Variants in TUFT1 observed in about 807,000 individuals in gnomAD.
TUFT1 encodes the protein tuftelin.
A neutral mutation model predicts 57.8 loss-of-function variants in TUFT1; 43 were observed. That is an observed-to-expected ratio of 0.74 (90% CI 0.58 to 0.96). The LOEUF is 0.96. TUFT1 is among the 40% of genes least tolerant of loss of function. The pLI, the probability that TUFT1 is intolerant of heterozygous loss-of-function variation, is 0.00. For synonymous variants in TUFT1, 166 were observed against 176.7 expected (o/e 0.94, Z 0.48); for missense variants, 459 against 489.0 (o/e 0.94, Z 0.58).
chr1:151,579,772 T>A, intron 11 of TUFT1, 40 bp downstream of exon 11: 1 of 1,590,598 alleles, frequency 6.3e-7, no homozygotes, highest in Non-Finnish European at 8.6e-7. Flanking sequence ...ACAGGACTCT[T>A]GAAGAGAAGG....
chr1:151,550,560 G>T (rs1242505335), intron 1 of TUFT1, among the ~76,000 whole-genome samples: 1 of 151,956 alleles, frequency 6.6e-6, no homozygotes, highest in African/African-American at 2.4e-5. Flanking sequence ...GACCAGGTTG[G>T]TCTCAAACTC....
rs769156126 is a variant in TUFT1, at chr1:151,578,856, C to T, written c.924+30C>T. ...GTTGGGCTGGTTTGTAACCTGCCCTCGGGGAGTCACCCCAAGTCTATGCTC... is the reference window on the plus strand; with the variant it reads ...GTTGGGCTGGTTTGTAACCTGCCCTTGGGGAGTCACCCCAAGTCTATGCTC... On this transcript the variant is annotated intron_variant, in intron 10 of 12. Transcript: ENST00000368849. 4.6e-6 allele frequency: 7 copies of T among 1,510,242 alleles called. No homozygotes were observed. In the South Asian group the frequency reaches 4.8e-5, roughly 10 times the overall value. 93.6% of individuals were successfully genotyped at this position (1,510,242 alleles called of 1,614,324 possible).
chr1:151,565,525 T>C (rs1007881848), intron 5 of TUFT1, among the ~76,000 whole-genome samples: 3 of 152,228 alleles, frequency 2.0e-5, no homozygotes, highest in Non-Finnish European at 4.4e-5. Flanking sequence ...TGAAGGTAGG[T>C]CTTTCAGTGC....
intron 6 of TUFT1, among the ~76,000 whole-genome samples, chr1:151,567,665 C>G (rs567624493): frequency 1.6e-4 from 24 of 152,150 alleles, no homozygotes; most frequent in African/African-American, 5.8e-4. Context: ...CGTGCCTCAG[C>G]GTACTGAGTA....
At chr1:151,551,756 A>T (rs1031657711) in intron 1 of TUFT1, among the ~76,000 whole-genome samples, 18 of 152,108 alleles carry the variant, frequency 1.2e-4, no homozygotes, top group Admixed American at 9.8e-4. Context: ...TACTGGAGGG[A>T]GTCAAAACAT....
intron 9 of TUFT1, among the ~76,000 whole-genome samples, chr1:151,578,256 C>T (rs141639929): frequency 1.2e-4 from 19 of 152,248 alleles, no homozygotes; most frequent in South Asian, 2.1e-4. Context: ...CTAACCTTTC[C>T]GAGCCTCAGT....
chr1:151,551,585 G>A (rs1377097109), intron 1 of TUFT1, among the ~76,000 whole-genome samples: 2 of 152,088 alleles, frequency 1.3e-5, no homozygotes, highest in Non-Finnish European at 2.9e-5. Flanking sequence ...AGGCAAGGGA[G>A]GAGAGGATAC....
At chr1:151,554,695 CTTT>C (rs771656418) in intron 1 of TUFT1, among the ~76,000 whole-genome samples, 34 of 85,676 alleles carry the variant, frequency 4.0e-4, no homozygotes, top group South Asian at 8.8e-4. Context: ...GCCCGGCCCC[CTTT>C]TTTTTTTTTT....
chr1:151,566,825 C>T (rs1056496785), intron 6 of TUFT1, among the ~76,000 whole-genome samples: 2 of 151,472 alleles, frequency 1.3e-5, no homozygotes, highest in African/African-American at 4.9e-5. Flanking sequence ...TATATTATAA[C>T]CTTCTTTCCA....
At chr1:151,560,324 G>C (rs1427265078) in intron 1 of TUFT1, among the ~76,000 whole-genome samples, 1 of 151,948 alleles carries the variant, frequency 6.6e-6, no homozygotes. Context: ...GCTGAGGCAG[G>C]AGAATTGCTT....
intron 1 of TUFT1, among the ~76,000 whole-genome samples, chr1:151,554,560 C>T (rs7521397): frequency 0.37 from 55,498 of 148,706 alleles, 10,512 homozygotes; most frequent in Non-Finnish European, 0.42. Flanking sequence ...CTACCACACC[C>T]GGCTAATTTT....
intron 1 of TUFT1, among the ~76,000 whole-genome samples, chr1:151,555,776 CAAAA>C (rs776491723): frequency 3.1e-4 from 22 of 70,382 alleles, no homozygotes; most frequent in Middle Eastern, 6.6e-3. Flanking sequence ...GACTCCGTCT[CAAAA>C]AAAAAAAAAA....
rs1320208654 is a variant in TUFT1, at chr1:151,578,802, G to A, written c.900G>A (p.Arg300=). 1 of 1,576,546 alleles carries A rather than the reference G, an allele frequency of 6.3e-7. No homozygotes were observed. The highest frequency in any genetic ancestry group is 8.6e-7 in the Non-Finnish European group (1 of 1,159,784). The change falls in exon 10 of 13, where the codon CGG becomes CGA. Residue 300 remains arginine, a synonymous_variant. Transcript: ENST00000368849. ...ATGACATGCTCAAGAGCCAGCAGCG[G>A]AAAGTCCGGCAAATGATAGAGCAGG... ...HLDDMLKSQQ[R]KVRQMIEQLQ...
chr1:151,553,288 C>T (rs1400846462), intron 1 of TUFT1, among the ~76,000 whole-genome samples: 2 of 152,114 alleles, frequency 1.3e-5, no homozygotes, highest in Admixed American at 6.6e-5. Context: ...GATGGGGTTT[C>T]GCCATGTTGG....
chr1:151,564,670 G>A (rs903832080), intron 5 of TUFT1, 56 bp downstream of exon 5: 13 of 1,455,148 alleles, frequency 8.9e-6, no homozygotes, highest in Non-Finnish European at 1.3e-5. Flanking sequence ...GTTGTGCCAG[G>A]CAGTCTCATT....
Position 151,581,751 on chromosome 1 carries a change from G to A in TUFT1, c.*44G>A, listed in dbSNP as rs114820297. 36 of 1,606,684 alleles carry A rather than the reference G, an allele frequency of 2.2e-5. No homozygotes were observed. In the South Asian group the frequency reaches 2.9e-4, roughly 13 times the overall value. On this transcript the variant is annotated 3_prime_UTR_variant, in exon 13 of 13. Transcript: ENST00000368849. Reference sequence around the variant, plus strand: ...CTGCCATTGCTGCTGCCTCTGCCTCGGAGAAGCCCACTGCCCCTGTTGGCT... The same window carrying A: ...CTGCCATTGCTGCTGCCTCTGCCTCAGAGAAGCCCACTGCCCCTGTTGGCT...
chr1:151,566,130 T>C, intron 5 of TUFT1, 33 bp from the exon 6 acceptor site: 1 of 1,532,760 alleles, frequency 6.5e-7, no homozygotes, highest in South Asian at 1.2e-5. Flanking sequence ...CTTTCATCTG[T>C]TTTAACTACC....
intron 1 of TUFT1, among the ~76,000 whole-genome samples, chr1:151,546,916 A>G (rs1414286095): frequency 2.0e-5 from 3 of 151,088 alleles, no homozygotes; most frequent in Non-Finnish European, 4.4e-5. Flanking sequence ...CTGGGTCAGA[A>G]TATTTGCATT....
At chr1:151,554,597 A>G (rs1327576226) in intron 1 of TUFT1, among the ~76,000 whole-genome samples, 4 of 150,074 alleles carry the variant, frequency 2.7e-5, no homozygotes, top group Admixed American at 2.0e-4. Context: ...ATGGGGTTTC[A>G]ACATGTTGGC....
Sources: allele counts gnomAD v4.1 joint callset (sites outside exome capture counted in the v4.1 genomes callset), GRCh38; gene constraint gnomAD v4.1.1; transcripts MANE v1.5; gene names NCBI Gene and HGNC (gene_info 2026-07-23, HGNC 2026-07-21).